DENND1A: variants seen among roughly 807,000 people sequenced by gnomAD.
The protein encoded by DENND1A is DENN domain containing 1A.
In DENND1A, 51 loss-of-function variants were observed where a neutral mutation model predicts 113.7. That is an observed-to-expected ratio of 0.45 (90% CI 0.36 to 0.57). The LOEUF is 0.57. DENND1A is among the 20% of genes least tolerant of loss of function. The pLI is 0.00. For missense variants in DENND1A, 1,258 were observed against 1,395.9 expected (o/e 0.90, Z 1.57); for synonymous variants, 565 against 570.8 (o/e 0.99, Z 0.14).
chr9:123,924,927 T>C (rs1025326677), intron 1 of DENND1A, among the ~76,000 whole-genome samples: 2 of 152,214 alleles, frequency 1.3e-5, no homozygotes, highest in African/African-American at 4.8e-5. Flanking sequence ...AGATGACTAA[T>C]ACCTCCTCAT....
At chr9:123,672,199 C>G (rs1379586559) in intron 6 of DENND1A, among the ~76,000 whole-genome samples, 1 of 152,168 alleles carries the variant, frequency 6.6e-6, no homozygotes, top group Non-Finnish European at 1.5e-5. Flanking sequence ...CCAGAGCCCT[C>G]CTGGCTTCAC....
At chr9:123,555,697 A>C (rs1031340110) in intron 13 of DENND1A, among the ~76,000 whole-genome samples, 1 of 152,240 alleles carries the variant, frequency 6.6e-6, no homozygotes, top group African/African-American at 2.4e-5. Context: ...ACTTTTAGAC[A>C]GCTAAGAAGT....
At chr9:123,479,249 T>C (rs1055735332) in intron 13 of DENND1A, among the ~76,000 whole-genome samples, 25 of 152,204 alleles carry the variant, frequency 1.6e-4, no homozygotes, top group African/African-American at 6.0e-4. Flanking sequence ...CTCTGTCACC[T>C]GCCACCTTTC....
intron 3 of DENND1A, among the ~76,000 whole-genome samples, chr9:123,792,307 T>C (rs937382161): frequency 3.9e-5 from 6 of 152,216 alleles, no homozygotes; most frequent in Non-Finnish European, 7.3e-5. Context: ...CCTAATGAAG[T>C]GTAGACTGTA....
intron 19 of DENND1A, among the ~76,000 whole-genome samples, chr9:123,430,470 C>T (rs1479144457): frequency 6.6e-6 from 1 of 152,118 alleles, no homozygotes; most frequent in Admixed American, 6.5e-5. Context: ...AGAAAATGTA[C>T]ACCATGGAAT....
intron 5 of DENND1A, among the ~76,000 whole-genome samples, chr9:123,700,501 C>T (rs2065822630): frequency 6.6e-6 from 1 of 152,144 alleles, no homozygotes; most frequent in African/African-American, 2.4e-5. Context: ...ACTGATGTTG[C>T]AGTCCTGAGT....
At chr9:123,426,848 T>C (rs894574933) in intron 19 of DENND1A, among the ~76,000 whole-genome samples, 1 of 152,168 alleles carries the variant, frequency 6.6e-6, no homozygotes, top group Admixed American at 6.5e-5. Flanking sequence ...TGCCACCTCA[T>C]CGCAGAACAG....
chr9:123,611,171 T>A (rs561003633), intron 10 of DENND1A, among the ~76,000 whole-genome samples: 2 of 152,226 alleles, frequency 1.3e-5, no homozygotes, highest in South Asian at 4.1e-4. Flanking sequence ...GGAGTTGTCT[T>A]TTCTTCTTCT....
At chr9:123,455,676 C>T (rs2048064613) in intron 15 of DENND1A, among the ~76,000 whole-genome samples, 1 of 152,204 alleles carries the variant, frequency 6.6e-6, no homozygotes, top group African/African-American at 2.4e-5. Context: ...CTGCTGGACA[C>T]ACATTGAACC....
At chr9:123,540,390 A>G (rs1030617201) in intron 13 of DENND1A, among the ~76,000 whole-genome samples, 2 of 152,240 alleles carry the variant, frequency 1.3e-5, no homozygotes, top group Non-Finnish European at 2.9e-5. Context: ...CCTGTTAAGT[A>G]GGTTCCATCT....
At chr9:123,507,755 C>T (rs1001925454) in intron 13 of DENND1A, among the ~76,000 whole-genome samples, 2 of 151,128 alleles carry the variant, frequency 1.3e-5, no homozygotes, top group Non-Finnish European at 2.9e-5. Flanking sequence ...ACTTGGGGGG[C>T]TGAGGCTGTA....
At chr9:123,786,673 C>T (rs941966005) in intron 3 of DENND1A, among the ~76,000 whole-genome samples, 4 of 152,162 alleles carry the variant, frequency 2.6e-5, no homozygotes, top group Non-Finnish European at 4.4e-5. Flanking sequence ...AGAATCAGAA[C>T]ATATCATCAC....
At chr9:123,651,816 C>T (rs2062675168) in intron 9 of DENND1A, among the ~76,000 whole-genome samples, 197 bp downstream of exon 9, 1 of 151,618 alleles carries the variant, frequency 6.6e-6, no homozygotes. Context: ...TTATAATTGA[C>T]TGTGCGACTA....
intron 5 of DENND1A, among the ~76,000 whole-genome samples, chr9:123,748,860 C>G (rs1166475874): frequency 6.6e-6 from 1 of 152,132 alleles, no homozygotes; most frequent in South Asian, 2.1e-4. Context: ...TCCCTCATGT[C>G]GAATTCTGAG....
intron 19 of DENND1A, among the ~76,000 whole-genome samples, chr9:123,435,883 A>G (rs1186748600): frequency 6.6e-6 from 1 of 152,214 alleles, no homozygotes; most frequent in Non-Finnish European, 1.5e-5. Context: ...ACGATGGGTA[A>G]AATGATTTCT....
intron 4 of DENND1A, among the ~76,000 whole-genome samples, chr9:123,762,494 G>A (rs996609917): frequency 6.6e-6 from 1 of 152,216 alleles, no homozygotes; most frequent in Non-Finnish European, 1.5e-5. Context: ...GCATGAGGAT[G>A]GACAGTTTGA....
chr9:123,652,074 T>C lies in DENND1A; in HGVS notation c.557A>G (p.His186Arg), dbSNP rs748345307. Residue 186 changes from histidine to arginine, a missense_variant, in exon 9 of 24, where the codon CAT becomes CGT. This residue lies in a region of DENND1A where 1,159 missense variants were observed against 1,231.7 expected (regional missense o/e 0.94). Transcript: ENST00000394215. ...TTCGTACAGCATACTGGCGTACAGA[T>C]GCAACATGTTGTTAACATCCACAGC... Reference protein sequence around the residue: ...FVAVDVNNMLHLYASMLYERR... With the variant: ...FVAVDVNNMLRLYASMLYERR... 1.8e-5 allele frequency: 29 copies of C among 1,614,062 alleles called. No individual in the cohort carries two copies. Among genetic ancestry groups the C allele is most frequent in the Non-Finnish European group, 2.4e-5 (28 of 1,180,038 alleles).
At chr9:123,507,685 TAA>T (rs552077971) in intron 13 of DENND1A, among the ~76,000 whole-genome samples, 24 of 136,778 alleles carry the variant, frequency 1.8e-4, no homozygotes, top group Admixed American at 1.5e-4. Flanking sequence ...CCTCATCTCT[TAA>T]AAAAAAAAAA....
At chr9:123,476,873 G>A (rs775258834) in intron 13 of DENND1A, among the ~76,000 whole-genome samples, 15 of 152,312 alleles carry the variant, frequency 9.8e-5, no homozygotes, top group Middle Eastern at 3.4e-3. Flanking sequence ...AACCGAGGTG[G>A]TCATGCTTGG....
Sources: gnomAD v4.1 joint callset for allele counts (sites outside exome capture counted in the v4.1 genomes callset) on GRCh38, gnomAD v4.1.1 for gene constraint, gnomAD v4.1.1 regional missense constraint, MANE v1.5 for transcripts, NCBI Gene and HGNC (gene_info 2026-07-23, HGNC 2026-07-21) for gene names.